The following LRTM3 variants were observed in gnomAD, a reference collection of about 807,000 sequenced individuals.
The protein encoded by LRTM3 is leucine-rich repeat transmembrane protein 3.
At chr13:102,730,246 T>A in the LRTM3 span, 1 of 1,551,296 alleles carries the variant, frequency 6.4e-7, no homozygotes, top group Non-Finnish European at 8.7e-7. Flanking sequence ...AAGGAATGCC[T>A]GTCTGTAATT....
At chr13:102,744,892 T>C in the LRTM3 span, 1 of 1,550,722 alleles carries the variant, frequency 6.4e-7, no homozygotes, top group Non-Finnish European at 8.7e-7. Context: ...CCTTTTCCCC[T>C]TTACCTGAAT....
the LRTM3 span, chr13:102,731,562 A>C: frequency 6.4e-7 from 1 of 1,551,452 alleles, no homozygotes; most frequent in Non-Finnish European, 8.7e-7. Flanking sequence ...GGTGACTTCA[A>C]GTCGTCAGGC....
chr13:102,729,962 C>G, the LRTM3 span: 7 of 1,551,728 alleles, frequency 4.5e-6, no homozygotes, highest in African/African-American at 8.2e-5. Context: ...TGAAGAGTAA[C>G]TTGTTCTGCT....
the LRTM3 span, chr13:102,733,590 T>G: frequency 1.9e-6 from 3 of 1,551,196 alleles, no homozygotes; most frequent in African/African-American, 4.1e-5. Context: ...GTTGCATCCA[T>G]TGTGGGATAG....
chr13:102,740,679 C>T, the LRTM3 span: 3 of 1,547,944 alleles, frequency 1.9e-6, no homozygotes, highest in African/African-American at 1.4e-5. Flanking sequence ...TGCATAGATG[C>T]ATTGAACTGA....
chr13:102,731,861 T>G, the LRTM3 span: 1 of 1,549,908 alleles, frequency 6.5e-7, no homozygotes, highest in Non-Finnish European at 8.7e-7. Context: ...AGATGGACAC[T>G]CTGTGGGTGT....
the LRTM3 span, chr13:102,744,866 TC>T: frequency 1.9e-5 from 30 of 1,550,798 alleles, no homozygotes; most frequent in Non-Finnish European, 2.5e-5. Context: ...TGCTTGTAGA[TC>T]TTTATTAAAC....
the LRTM3 span, chr13:102,738,651 C>T: frequency 3.2e-6 from 5 of 1,550,292 alleles, no homozygotes; most frequent in Non-Finnish European, 1.7e-6. Context: ...TTTTCATATG[C>T]TGTTTTCTCT....
chr13:102,732,515 A>G, the LRTM3 span: 1 of 1,551,126 alleles, frequency 6.4e-7, no homozygotes, highest in African/African-American at 1.4e-5. Context: ...TGAATCCAGA[A>G]CATTTCTTTG....
the LRTM3 span, chr13:102,730,442 T>C: frequency 1.9e-6 from 3 of 1,551,238 alleles, no homozygotes; most frequent in South Asian, 2.4e-5. Flanking sequence ...ACCAGTAGCA[T>C]TTCTCTGGGT....
chr13:102,745,426 A>C, the LRTM3 span: 1 of 1,550,888 alleles, frequency 6.4e-7, no homozygotes, highest in Non-Finnish European at 8.7e-7. Context: ...TCAGGAAAGC[A>C]TATGTTTCAT....
At chr13:102,753,301 TCA>T in the LRTM3 span, among the ~76,000 whole-genome samples, 10 of 151,842 alleles carry the variant, frequency 6.6e-5, no homozygotes, top group Non-Finnish European at 1.3e-4. Context: ...GAGGGGAACA[TCA>T]CACACTGGGT....
chr13:102,739,580 T>G, the LRTM3 span: 1 of 1,550,350 alleles, frequency 6.5e-7, no homozygotes, highest in Non-Finnish European at 8.7e-7. Flanking sequence ...CTTGCCCTCT[T>G]GTTTTATAAT....
the LRTM3 span, chr13:102,748,541 A>T: frequency 1.3e-6 from 2 of 1,550,736 alleles, no homozygotes; most frequent in East Asian, 4.9e-5. Context: ...TGAACTTTGT[A>T]GGTCCTCCTG....
chr13:102,740,257 G>C, the LRTM3 span: 1 of 1,549,704 alleles, frequency 6.5e-7, no homozygotes, highest in Non-Finnish European at 8.7e-7. Flanking sequence ...TAGTTTTATG[G>C]TATGATCCTA....
the LRTM3 span, chr13:102,732,482 G>C: frequency 3.9e-6 from 6 of 1,551,010 alleles, no homozygotes; most frequent in South Asian, 7.1e-5. Flanking sequence ...ACGTTTGGGA[G>C]AAAGAGGAAC....
At chr13:102,744,766 C>G in the LRTM3 span, 1 of 1,550,528 alleles carries the variant, frequency 6.4e-7, no homozygotes, top group Non-Finnish European at 8.7e-7. Context: ...CATTCATGTT[C>G]ATTGCATTAC....
the LRTM3 span, chr13:102,735,618 GGA>G: frequency 6.4e-7 from 1 of 1,551,002 alleles, no homozygotes; most frequent in South Asian, 1.2e-5. Context: ...GTACATTTGG[GGA>G]GCATTTTGTC....
the LRTM3 span, chr13:102,739,284 C>T: frequency 0.79 from 1,227,104 of 1,549,310 alleles, 489,731 homozygotes; most frequent in South Asian, 0.86. Flanking sequence ...AGGCCCATTA[C>T]ATCTTTCACA....
Sources: allele counts gnomAD v4.1 joint callset (sites outside exome capture counted in the v4.1 genomes callset), GRCh38; gene constraint gnomAD v4.1.1; transcripts MANE v1.5; gene names NCBI Gene and HGNC (gene_info 2026-07-23, HGNC 2026-07-21).